Variants in SRBD1 observed in about 807,000 individuals in gnomAD.
SRBD1 encodes the protein S1 RNA-binding domain-containing protein 1.
Under a neutral mutation model 115.3 loss-of-function variants are expected in SRBD1, and 88 were observed. That is an observed-to-expected ratio of 0.76 (90% CI 0.64 to 0.91). The LOEUF is 0.91. Ranked by LOEUF, SRBD1 falls within the 40% of genes least tolerant of loss-of-function variation. The pLI is 0.00. For missense variants in SRBD1, 1,385 were observed against 1,177.4 expected (o/e 1.18, Z -2.58); for synonymous variants, 509 against 407.7 (o/e 1.25, Z -2.99).
chr2:45,461,090 T>G (rs1669300979), intron 16 of SRBD1, among the ~76,000 whole-genome samples: 1 of 152,152 alleles, frequency 6.6e-6, no homozygotes, highest in Non-Finnish European at 1.5e-5. Context: ...ACACAAATAA[T>G]GTATCTCCTG....
intron 16 of SRBD1, among the ~76,000 whole-genome samples, chr2:45,431,648 G>C (rs1340434737): frequency 6.6e-6 from 1 of 152,090 alleles, no homozygotes; most frequent in African/African-American, 2.4e-5. Flanking sequence ...GCTAGGGGAG[G>C]GATAGCATTA....
chr2:45,455,015 T>A (rs1055064852), intron 16 of SRBD1, among the ~76,000 whole-genome samples: 1 of 151,732 alleles, frequency 6.6e-6, no homozygotes, highest in Non-Finnish European at 1.5e-5. Flanking sequence ...TAGCATCTCT[T>A]TTCTCCACAC....
At chr2:45,474,613 C>T (rs569749786) in intron 16 of SRBD1, among the ~76,000 whole-genome samples, 1 of 152,280 alleles carries the variant, frequency 6.6e-6, no homozygotes, top group East Asian at 1.9e-4. Flanking sequence ...ACTTCAGACC[C>T]TCTCCCTACT....
intron 19 of SRBD1, among the ~76,000 whole-genome samples, chr2:45,393,808 G>T (rs1215723641): frequency 4.6e-5 from 7 of 152,166 alleles, no homozygotes; most frequent in Admixed American, 4.6e-4. Flanking sequence ...GGCAAACGAT[G>T]AAATGATACC....
At chr2:45,523,359 A>G (rs1671346785) in intron 14 of SRBD1, among the ~76,000 whole-genome samples, 1 of 151,610 alleles carries the variant, frequency 6.6e-6, no homozygotes, top group African/African-American at 2.4e-5. Context: ...TTAATAAAAC[A>G]AAGAAGAGAA....
intron 16 of SRBD1, among the ~76,000 whole-genome samples, chr2:45,444,774 T>G (rs1409016819): frequency 6.6e-6 from 1 of 152,236 alleles, no homozygotes; most frequent in Non-Finnish European, 1.5e-5. Flanking sequence ...TCTTCTGCAC[T>G]GGCATCAGAA....
intron 10 of SRBD1, among the ~76,000 whole-genome samples, chr2:45,556,550 C>A (rs1371666479): frequency 6.7e-6 from 1 of 149,006 alleles, no homozygotes; most frequent in African/African-American, 2.5e-5. Context: ...GCAACCTCCA[C>A]CTCCCAGGTT....
At chr2:45,474,463 C>T (rs1275788676) in intron 16 of SRBD1, among the ~76,000 whole-genome samples, 5 of 152,224 alleles carry the variant, frequency 3.3e-5, no homozygotes, top group African/African-American at 1.2e-4. Flanking sequence ...CTTGAGCTTC[C>T]TGACATTCGA....
intron 14 of SRBD1, among the ~76,000 whole-genome samples, chr2:45,533,819 C>A (rs1671684172): frequency 6.6e-6 from 1 of 152,048 alleles, no homozygotes; most frequent in African/African-American, 2.4e-5. Context: ...CTTGTCTAAA[C>A]AGGACATCTG....
In SRBD1 at chr2:45,547,618, A is replaced by G. The variant is rs534867503; in HGVS notation, c.1676-6T>C. The stretch of plus-strand genomic sequence containing the variant: ...ATCAGTATGAAGTATCTGACCTTTA[A>G]AAAATGAAAAGAATAAGCCATTTTA... On this transcript the variant is annotated splice_polypyrimidine_tract_variant and splice_region_variant and intron_variant, in intron 12 of 20. Transcript: ENST00000263736. The G allele has an allele frequency of 5.0e-6, 8 of 1,603,398 alleles. No individual in the cohort carries two copies. The East Asian group carries it at 1.8e-4, about 36-fold the overall frequency.
intron 16 of SRBD1, among the ~76,000 whole-genome samples, chr2:45,430,735 C>T (rs960527972): frequency 6.6e-6 from 1 of 152,112 alleles, no homozygotes; most frequent in East Asian, 1.9e-4. Context: ...TAGGCATGGG[C>T]AAAGACTTCA....
intron 10 of SRBD1, 81 bp from the exon 11 acceptor site, chr2:45,553,811 G>A: frequency 1.2e-6 from 1 of 845,596 alleles, no homozygotes; most frequent in Non-Finnish European, 1.8e-6. Context: ...GAAGGGAGAT[G>A]GAATACAGAA....
intron 16 of SRBD1, among the ~76,000 whole-genome samples, chr2:45,443,606 G>C (rs992361067): frequency 6.6e-6 from 1 of 152,074 alleles, no homozygotes; most frequent in Non-Finnish European, 1.5e-5. Context: ...GTTTAAGGTA[G>C]AAACTGTCTA....
chr2:45,524,977 A>C (rs1255076615), intron 14 of SRBD1, among the ~76,000 whole-genome samples: 1 of 152,068 alleles, frequency 6.6e-6, no homozygotes, highest in Non-Finnish European at 1.5e-5. Context: ...GAGTTTACAA[A>C]TAAACACACA....
intron 16 of SRBD1, among the ~76,000 whole-genome samples, chr2:45,450,286 A>G (rs1316755588): frequency 6.6e-6 from 1 of 152,168 alleles, no homozygotes; most frequent in Non-Finnish European, 1.5e-5. Flanking sequence ...AAAGTTCCTT[A>G]AGGGCAGGGA....
chr2:45,556,176 C>T (rs765723923), intron 10 of SRBD1, among the ~76,000 whole-genome samples: 1 of 152,100 alleles, frequency 6.6e-6, no homozygotes, highest in Non-Finnish European at 1.5e-5. Flanking sequence ...CTTCCTTCCA[C>T]CTAAATCCCT....
rs766317394 is a variant in SRBD1, at chr2:45,488,229, T to C, written c.1966+11A>G. 4 of 1,611,060 alleles carry C rather than the reference T, an allele frequency of 2.5e-6. No individual in the cohort carries two copies. The highest frequency in any genetic ancestry group is 1.1e-5 in the South Asian group (1 of 90,926). ...AATCACATGTTTTTGTGATGGTCCA[T>C]AGTTTCTTACCTGCACTTCTCAAAT... On this transcript the variant is annotated intron_variant, in intron 15 of 20. Coordinates refer to ENST00000263736, the MANE Select transcript of SRBD1 (RefSeq NM_018079.5).
At chr2:45,577,093 A>C (rs1184028752) in intron 7 of SRBD1, among the ~76,000 whole-genome samples, 1 of 152,256 alleles carries the variant, frequency 6.6e-6, no homozygotes, top group African/African-American at 2.4e-5. Flanking sequence ...TACTCATTCA[A>C]CTTTAAAAAA....
In SRBD1 at chr2:45,478,263, G is replaced by A. The variant is rs117108945; in HGVS notation, c.1967-1188C>T. Among the ~76,000 whole-genome samples the A allele has an allele frequency of 1.0e-3, 153 of 152,222 alleles. 2 individuals carry two copies. The East Asian group carries it at 0.017, about 17-fold the overall frequency. ...CCTATGCCTGTTTCCATGTTAAGCT[G>A]TTCAAGGTCTGGAAACAAAAGTCAT... On this transcript the variant is annotated intron_variant, in intron 15 of 20. Transcript: ENST00000263736.
Sources: gnomAD v4.1 joint callset for allele counts (sites outside exome capture counted in the v4.1 genomes callset) on GRCh38, gnomAD v4.1.1 for gene constraint, MANE v1.5 for transcripts, NCBI Gene and HGNC (gene_info 2026-07-23, HGNC 2026-07-21) for gene names.